Variants in MYH13 observed in about 807,000 individuals in gnomAD.
MYH13 encodes the protein myosin heavy chain 13.
MYH13 carries 177 observed loss-of-function variants against 232.1 expected under a neutral mutation model. The ratio of observed to expected loss-of-function variants is 0.76; its 90% CI spans 0.67 to 0.86. The LOEUF is 0.86. Among genes scored for constraint, MYH13 ranks in the 40% least tolerant of loss-of-function variants. The pLI, the probability that MYH13 is intolerant of heterozygous loss-of-function variation, is 0.00. For synonymous variants in MYH13, 884 were observed against 923.5 expected (o/e 0.96, Z 0.78); for missense variants, 2,246 against 2,405.9 (o/e 0.93, Z 1.39).
At chr17:10,364,296 A>AT in intron 3 of MYH13, 31 bp downstream of exon 3, 2 of 1,590,508 alleles carry the variant, frequency 1.3e-6, no homozygotes, top group Non-Finnish European at 1.7e-6. Flanking sequence ...GCATGCCCAT[A>AT]TTATCAAAGA....
At chr17:10,344,841 AAG>A (rs200327354) in intron 15 of MYH13, among the ~76,000 whole-genome samples, 12,962 of 143,404 alleles carry the variant, frequency 0.09, 689 homozygotes, top group Middle Eastern at 0.13. Flanking sequence ...AAAAAAAAAA[AAG>A]TTAATATCTA....
chr17:10,357,035 C>A (rs1213791737), intron 8 of MYH13, among the ~76,000 whole-genome samples: 2 of 152,066 alleles, frequency 1.3e-5, no homozygotes, highest in Admixed American at 1.3e-4. Flanking sequence ...ACTTCGGCTC[C>A]CTGCAACCTC....
chr17:10,368,743 A>G (rs1394733050), intron 2 of MYH13, among the ~76,000 whole-genome samples: 1 of 152,218 alleles, frequency 6.6e-6, no homozygotes, highest in African/African-American at 2.4e-5. Flanking sequence ...GGGACTCTAC[A>G]AGAACCCACA....
At chr17:10,362,658 T>C (rs1275686036) in intron 3 of MYH13, among the ~76,000 whole-genome samples, 155 bp from the exon 4 acceptor site, 2 of 152,202 alleles carry the variant, frequency 1.3e-5, no homozygotes, top group African/African-American at 4.8e-5. Context: ...ACATGATCCA[T>C]AAATAACAGT....
At chr17:10,313,651 G>A (rs566712305) in intron 29 of MYH13, among the ~76,000 whole-genome samples, 163 of 152,300 alleles carry the variant, frequency 1.1e-3, no homozygotes, top group African/African-American at 3.8e-3. Flanking sequence ...ATGTTATCAT[G>A]TCTAGCTAGG....
At chr17:10,316,093 C>G in intron 27 of MYH13, 68 bp from the exon 28 acceptor site, 2 of 1,519,152 alleles carry the variant, frequency 1.3e-6, no homozygotes, top group Non-Finnish European at 1.8e-6. Flanking sequence ...TTGAACTGAA[C>G]AGTGTAATCA....
At chr17:10,347,842 C>A (rs770233448) in intron 12 of MYH13, among the ~76,000 whole-genome samples, 1 of 151,782 alleles carries the variant, frequency 6.6e-6, no homozygotes, top group East Asian at 1.9e-4. Flanking sequence ...CCTCACCTCC[C>A]GAGTAGCTGG....
At chr17:10,321,812 T>C in intron 23 of MYH13, 104 bp from the exon 24 acceptor site, 1 of 1,072,092 alleles carries the variant, frequency 9.3e-7, no homozygotes, top group Non-Finnish European at 1.3e-6. Context: ...TTCCCTTTTC[T>C]TTTTGGCTAC....
At chr17:10,359,830 G>T in intron 7 of MYH13, 130 bp downstream of exon 7, 1 of 765,798 alleles carries the variant, frequency 1.3e-6, no homozygotes, top group Non-Finnish European at 2.2e-6. Context: ...TGAGGATACA[G>T]AGAGGAAAGA....
intron 11 of MYH13, among the ~76,000 whole-genome samples, chr17:10,353,633 G>A (rs1597387694): frequency 6.6e-6 from 1 of 152,172 alleles, no homozygotes; most frequent in African/African-American, 2.4e-5. Flanking sequence ...GGGAGGCTGA[G>A]CTGGGTGGAT....
At chr17:10,314,864 G>T (rs1906643734) in intron 29 of MYH13, among the ~76,000 whole-genome samples, 1 of 152,232 alleles carries the variant, frequency 6.6e-6, no homozygotes, top group African/African-American at 2.4e-5. Context: ...TTATAGATCT[G>T]TGGGGAGACA....
intron 35 of MYH13, among the ~76,000 whole-genome samples, chr17:10,308,734 A>AT (rs1295198269): frequency 1.3e-5 from 2 of 151,634 alleles, no homozygotes; most frequent in African/African-American, 2.4e-5. Flanking sequence ...TTGTTTGTTT[A>AT]TTTTTTTGGC....
At chr17:10,313,122 G>A (rs528089859) in intron 30 of MYH13, 36 bp downstream of exon 30, 12 of 1,613,680 alleles carry the variant, frequency 7.4e-6, no homozygotes, top group South Asian at 4.4e-5. Flanking sequence ...TTGTGTCCTC[G>A]GGCCCCCTCT....
intron 24 of MYH13, among the ~76,000 whole-genome samples, chr17:10,320,995 T>C (rs1181730944): frequency 1.3e-5 from 2 of 151,998 alleles, no homozygotes; most frequent in Non-Finnish European, 2.9e-5. Flanking sequence ...ACACCTACCC[T>C]GGGCTCAGAA....
chr17:10,332,028 T>A, intron 20 of MYH13, 71 bp downstream of exon 20: 1 of 1,581,998 alleles, frequency 6.3e-7, no homozygotes, highest in Non-Finnish European at 8.6e-7. Flanking sequence ...GGGGACCCTT[T>A]TTCTGATCAG....
intron 13 of MYH13, among the ~76,000 whole-genome samples, chr17:10,346,418 C>G (rs893864211): frequency 7.2e-5 from 11 of 152,184 alleles, no homozygotes; most frequent in African/African-American, 2.7e-4. Flanking sequence ...GACTCAACAG[C>G]CCATGAATCC....
At chr17:10,348,731 G>T (rs887751915) in intron 12 of MYH13, among the ~76,000 whole-genome samples, 3 of 151,924 alleles carry the variant, frequency 2.0e-5, no homozygotes, top group African/African-American at 7.3e-5. Context: ...TGGTGAGCCT[G>T]GCTGCTGACA....
At chr17:10,351,889 G>A (rs923028472) in intron 11 of MYH13, among the ~76,000 whole-genome samples, 3 of 152,178 alleles carry the variant, frequency 2.0e-5, no homozygotes, top group Non-Finnish European at 4.4e-5. Flanking sequence ...TGGTGAGCAC[G>A]TAGGATAGAC....
chr17:10,356,916 G>T (rs1438364370), intron 8 of MYH13, among the ~76,000 whole-genome samples: 1 of 152,120 alleles, frequency 6.6e-6, no homozygotes, highest in Admixed American at 6.5e-5. Flanking sequence ...AAAAGTTGAA[G>T]GATGGCATAT....
Sources: gnomAD v4.1 joint callset for allele counts (sites outside exome capture counted in the v4.1 genomes callset) on GRCh38, gnomAD v4.1.1 for gene constraint, MANE v1.5 for transcripts, NCBI Gene and HGNC (gene_info 2026-07-23, HGNC 2026-07-21) for gene names.